Variants in HCK observed in about 807,000 individuals in gnomAD.
The protein encoded by HCK is tyrosine-protein kinase HCK.
A neutral mutation model predicts 70.4 loss-of-function variants in HCK; 40 were observed. The observed-to-expected ratio is 0.57, with a 90% CI of 0.44 to 0.74. The LOEUF is 0.74. HCK is among the 30% of genes least tolerant of loss of function. The probability of loss-of-function intolerance (pLI) is 0.00; values close to 1 mark genes in which losing one functional copy is unlikely to be tolerated. For missense variants in HCK, 568 were observed against 697.2 expected (o/e 0.81, Z 2.09); for synonymous variants, 245 against 263.2 (o/e 0.93, Z 0.67).
chr20:32,092,722 C>G (rs936269220), intron 10 of HCK, among the ~76,000 whole-genome samples: 4 of 152,078 alleles, frequency 2.6e-5, no homozygotes, highest in Non-Finnish European at 5.9e-5. Flanking sequence ...GTGGCATCTT[C>G]TGCTGGCCAC....
chr20:32,053,709 T>C (rs1383482761), intron 1 of HCK, among the ~76,000 whole-genome samples: 1 of 151,328 alleles, frequency 6.6e-6, no homozygotes, highest in East Asian at 1.9e-4. Context: ...TACACAGGCT[T>C]AATGTATGTT....
rs769881933 is a variant in HCK, at chr20:32,094,775, A to AGG, written c.1246+759_1246+760insGG. 1.6e-3 allele frequency among the ~76,000 whole-genome samples: 190 copies of AGG among 117,120 alleles called. 6 individuals carry two copies. Among genetic ancestry groups the AGG allele is most frequent in the African/African-American group, 4.4e-3 (118 of 27,018 alleles). The allele number at this position is 117,120 out of a possible 152,430, so 76.8% of individuals were successfully genotyped here. ...AAAGAAAGAAAGAAGGAAAGAAAGAAAGAGAGAGAAAGAGAAAGAAAGAAA... is the reference window on the plus strand; with the variant it reads ...AAAGAAAGAAAGAAGGAAAGAAAGAAGGAGAGAGAGAAAGAGAAAGAAAGAAA... On this transcript the variant is annotated intron_variant, in intron 11 of 12. Coordinates refer to ENST00000375852, the MANE Select transcript of HCK (RefSeq NM_002110.5).
intron 9 of HCK, among the ~76,000 whole-genome samples, chr20:32,087,405 G>C (rs1178969872): frequency 6.6e-6 from 1 of 152,032 alleles, no homozygotes; most frequent in Non-Finnish European, 1.5e-5. Context: ...TCCCACCCCA[G>C]CCCCCCGAGT....
At chr20:32,068,747 G>A (rs1321757597) in intron 1 of HCK, among the ~76,000 whole-genome samples, 1 of 151,804 alleles carries the variant, frequency 6.6e-6, no homozygotes, top group African/African-American at 2.4e-5. Context: ...TGTGAGACCT[G>A]CCCCCCCTCT....
chr20:32,097,404 C>A (rs1357191490), intron 11 of HCK, among the ~76,000 whole-genome samples: 3 of 151,902 alleles, frequency 2.0e-5, no homozygotes, highest in East Asian at 1.9e-4. Context: ...ACGGTGAAAC[C>A]CCATCTCTAC....
intron 4 of HCK, among the ~76,000 whole-genome samples, chr20:32,074,061 C>A (rs961052001): frequency 2.0e-5 from 3 of 152,174 alleles, no homozygotes; most frequent in African/African-American, 7.2e-5. Context: ...TCAGGGAAGC[C>A]TTTCTAGGGC....
At chr20:32,062,751 T>C (rs1021066568) in intron 1 of HCK, among the ~76,000 whole-genome samples, 2 of 152,160 alleles carry the variant, frequency 1.3e-5, no homozygotes, top group Non-Finnish European at 2.9e-5. Flanking sequence ...AACTGTCTAT[T>C]AGGGACAGTA....
At chr20:32,058,172 G>GACACAACCTGTCTTT (rs1407618387) in intron 1 of HCK, among the ~76,000 whole-genome samples, 2 of 152,058 alleles carry the variant, frequency 1.3e-5, no homozygotes, top group African/African-American at 4.8e-5. Flanking sequence ...CTCTGCCAAA[G>GACACAACCTGTCTTT]ACAGGTTGTG....
intron 11 of HCK, among the ~76,000 whole-genome samples, chr20:32,094,734 A>AAAGG: frequency 7.9e-5 from 11 of 139,136 alleles, no homozygotes; most frequent in African/African-American, 3.0e-4. Flanking sequence ...AGAAAGAAAG[A>AAAGG]AAGAAAGAAA....
intron 6 of HCK, among the ~76,000 whole-genome samples, chr20:32,082,996 G>A (rs1456692549): frequency 6.6e-6 from 1 of 152,178 alleles, no homozygotes; most frequent in Non-Finnish European, 1.5e-5. Flanking sequence ...GGGATCAGTA[G>A]TCTGACCTCA....
chr20:32,071,530 G>A (rs2045537916), intron 1 of HCK, 132 bp from the exon 2 acceptor site: 8 of 1,101,502 alleles, frequency 7.3e-6, no homozygotes, highest in Non-Finnish European at 9.3e-6. Context: ...CATGGAGCTG[G>A]CAGGGGAGTT....
At chr20:32,089,469 A>C (rs1008621843) in intron 10 of HCK, among the ~76,000 whole-genome samples, 20 of 152,372 alleles carry the variant, frequency 1.3e-4, no homozygotes, top group African/African-American at 4.8e-4. Flanking sequence ...CTGTCCTAAT[A>C]GAGTTCACAA....
In HCK at chr20:32,094,428, C is replaced by T. The variant is rs146249289; in HGVS notation, c.1246+412C>T. ...GGCTCAGTGGCTCACGCCTGTAATC[C>T]CAGCACTTTAGGAGGCCAAGACTGG... On this transcript the variant is annotated intron_variant, in intron 11 of 12. Coordinates refer to ENST00000375852, the MANE Select transcript of HCK (RefSeq NM_002110.5). 3.2e-3 allele frequency among the ~76,000 whole-genome samples: 485 copies of T among 152,066 alleles called. 4 individuals are homozygous for T. Among genetic ancestry groups the T allele is most frequent in the Non-Finnish European group, 5.2e-3 (356 of 68,004 alleles).
intron 9 of HCK, 113 bp from the exon 10 acceptor site, chr20:32,088,455 A>C: frequency 1.5e-6 from 1 of 662,040 alleles, no homozygotes; most frequent in Non-Finnish European, 2.6e-6. Context: ...TAAATCTACT[A>C]CTATGAAAAA....
intron 1 of HCK, among the ~76,000 whole-genome samples, chr20:32,066,510 A>C (rs575439818): frequency 6.6e-6 from 1 of 151,512 alleles, no homozygotes; most frequent in Non-Finnish European, 1.5e-5. Context: ...TCAGGGTTTC[A>C]TCATATTGGC....
intron 11 of HCK, among the ~76,000 whole-genome samples, chr20:32,098,330 CA>C (rs1316822123): frequency 1.3e-5 from 2 of 151,924 alleles, no homozygotes; most frequent in African/African-American, 4.8e-5. Context: ...CATACCTGGC[CA>C]AAAAAATTTT....
At chr20:32,100,237 A>G (rs2046015476) in intron 12 of HCK, among the ~76,000 whole-genome samples, 1 of 152,082 alleles carries the variant, frequency 6.6e-6, no homozygotes, top group Non-Finnish European at 1.5e-5. Flanking sequence ...GAGACAAGGT[A>G]TTGCTATGTT....
intron 11 of HCK, among the ~76,000 whole-genome samples, chr20:32,094,749 GAAAGAAAGAAA>G (rs2045916797): frequency 7.8e-6 from 1 of 128,016 alleles, no homozygotes; most frequent in Admixed American, 8.1e-5. Flanking sequence ...AAGAAAGAAA[GAAAGAAAGAAA>G]GAAGGAAAGA....
intron 10 of HCK, among the ~76,000 whole-genome samples, chr20:32,093,291 C>T (rs2045888294): frequency 6.6e-6 from 1 of 152,084 alleles, no homozygotes; most frequent in Non-Finnish European, 1.5e-5. Flanking sequence ...GGGGCTTTGC[C>T]GGGCTCATCA....
Sources: gnomAD v4.1 joint callset for allele counts (sites outside exome capture counted in the v4.1 genomes callset) on GRCh38, gnomAD v4.1.1 for gene constraint, MANE v1.5 for transcripts, NCBI Gene and HGNC (gene_info 2026-07-23, HGNC 2026-07-21) for gene names.